Variants in LMX1A observed in about 807,000 individuals in gnomAD.
LMX1A encodes LIM homeobox transcription factor 1 alpha, also known as LIM homeobox transcription factor 1-alpha.
A neutral mutation model predicts 49.1 loss-of-function variants in LMX1A; 15 were observed. That is an observed-to-expected ratio of 0.31 (90% CI 0.20 to 0.47). The LOEUF (loss-of-function observed/expected upper bound fraction) is 0.47. LMX1A is among the 20% of genes least tolerant of loss of function. The pLI is 1.00. For missense variants in LMX1A, 372 were observed against 475.8 expected (o/e 0.78, Z 2.03); for synonymous variants, 167 against 185.7 (o/e 0.90, Z 0.82).
At chr1:165,275,826 A>C (rs1206713556) in intron 3 of LMX1A, among the ~76,000 whole-genome samples, 1 of 145,222 alleles carries the variant, frequency 6.9e-6, no homozygotes, top group Non-Finnish European at 1.5e-5. Context: ...TAGAGCTTTT[A>C]TGGCGCTGGG....
intron 3 of LMX1A, among the ~76,000 whole-genome samples, chr1:165,345,607 G>T (rs917755621): frequency 6.6e-6 from 1 of 152,092 alleles, no homozygotes; most frequent in African/African-American, 2.4e-5. Flanking sequence ...GTTTTTAGAG[G>T]CCCGTAAATG....
chr1:165,294,909 AGCCGAGATCAC>A, intron 3 of LMX1A, among the ~76,000 whole-genome samples: 1 of 152,308 alleles, frequency 6.6e-6, no homozygotes. Flanking sequence ...GGTTGCAATG[AGCCGAGATCAC>A]GCCAGTGCAC....
intron 4 of LMX1A, among the ~76,000 whole-genome samples, chr1:165,223,442 G>A (rs996806426): frequency 6.6e-6 from 1 of 152,104 alleles, no homozygotes; most frequent in African/African-American, 2.4e-5. Flanking sequence ...AGAATAAGGA[G>A]GAATGGACAA....
At chr1:165,307,057 A>G (rs1426417994) in intron 3 of LMX1A, among the ~76,000 whole-genome samples, 1 of 152,232 alleles carries the variant, frequency 6.6e-6, no homozygotes, top group Non-Finnish European at 1.5e-5. Flanking sequence ...GCTTCATGCA[A>G]GGGAATCAGG....
At position 165,328,407 on chromosome 1, in the gene LMX1A, A is replaced by T. The variant is rs569099718; in HGVS notation, c.263+24669T>A. 4.6e-5 allele frequency among the ~76,000 whole-genome samples: 7 copies of T among 152,358 alleles called. No homozygotes were observed. In the South Asian group the frequency reaches 1.4e-3, roughly 32 times the overall value. On this transcript the variant is annotated intron_variant, in intron 3 of 8. Coordinates refer to ENST00000342310, the MANE Select transcript of LMX1A (RefSeq NM_177398.4). Reference sequence around the variant, plus strand: ...AGAGGATACAAGTGAGCCCGATACAAGCCCTGCAGTCTGGAAGCAGGCTTT... The same window carrying T: ...AGAGGATACAAGTGAGCCCGATACATGCCCTGCAGTCTGGAAGCAGGCTTT...
chr1:165,210,023 C>T (rs933638744), intron 6 of LMX1A, among the ~76,000 whole-genome samples: 1 of 152,206 alleles, frequency 6.6e-6, no homozygotes, highest in African/African-American at 2.4e-5. Context: ...AGAATATCTC[C>T]ACATATTTTG....
Position 165,316,450 on chromosome 1 carries a change from C to A in LMX1A, c.263+36626G>T, listed in dbSNP as rs569663822. Among the ~76,000 whole-genome samples, 201 of 152,134 alleles carry A rather than the reference C, an allele frequency of 1.3e-3. 2 individuals carry two copies. The highest frequency in any genetic ancestry group is 4.4e-3 in the African/African-American group (181 of 41,502). ...ACTGGAGGTCCTGGGGGCACTGATA[C>A]CACCTGCTCCTTGGTCCCTACACTA... On this transcript the variant is annotated intron_variant, in intron 3 of 8. Coordinates refer to ENST00000342310, the MANE Select transcript of LMX1A (RefSeq NM_177398.4).
At chr1:165,236,049 C>G (rs2102625392) in intron 4 of LMX1A, among the ~76,000 whole-genome samples, 1 of 152,328 alleles carries the variant, frequency 6.6e-6, no homozygotes, top group Middle Eastern at 3.4e-3. Flanking sequence ...CTGGACTAGA[C>G]TGGCACCGAC....
intron 3 of LMX1A, among the ~76,000 whole-genome samples, chr1:165,271,957 T>C (rs1387121409): frequency 2.6e-5 from 4 of 152,262 alleles, no homozygotes; most frequent in African/African-American, 7.2e-5. Context: ...ACTTGGCTCA[T>C]GGCTACCATG....
At chr1:165,234,304 C>T (rs1652348579) in intron 4 of LMX1A, among the ~76,000 whole-genome samples, 1 of 152,168 alleles carries the variant, frequency 6.6e-6, no homozygotes, top group African/African-American at 2.4e-5. Context: ...GTTACCTACT[C>T]TGCCAAGTCC....
At chr1:165,329,074 C>T (rs1234702409) in intron 3 of LMX1A, among the ~76,000 whole-genome samples, 1 of 152,200 alleles carries the variant, frequency 6.6e-6, no homozygotes, top group Non-Finnish European at 1.5e-5. Flanking sequence ...AATTGACTCA[C>T]AGTTCTGCAT....
chr1:165,264,408 A>T (rs1204790904), intron 3 of LMX1A, among the ~76,000 whole-genome samples: 1 of 149,838 alleles, frequency 6.7e-6, no homozygotes, highest in Non-Finnish European at 1.5e-5. Flanking sequence ...TGCATAAAGC[A>T]TGCATATGCT....
chr1:165,311,802 A>C (rs1001149524), intron 3 of LMX1A, among the ~76,000 whole-genome samples: 1 of 152,124 alleles, frequency 6.6e-6, no homozygotes, highest in African/African-American at 2.4e-5. Context: ...GATGGGGCAA[A>C]TTTTTGCTAT....
chr1:165,328,926 T>C (rs1051374409), intron 3 of LMX1A, among the ~76,000 whole-genome samples: 9 of 152,220 alleles, frequency 5.9e-5, no homozygotes, highest in Non-Finnish European at 1.3e-4. Context: ...GTGGTATCAA[T>C]GTGCATCAGG....
chr1:165,289,486 C>T (rs201678663), intron 3 of LMX1A, among the ~76,000 whole-genome samples: 70 of 152,330 alleles, frequency 4.6e-4, no homozygotes, highest in East Asian at 2.7e-3. Flanking sequence ...TCCCTGGCTT[C>T]AAATCTTACC....
chr1:165,292,048 C>T (rs1306036452), intron 3 of LMX1A, among the ~76,000 whole-genome samples: 3 of 114,030 alleles, frequency 2.6e-5, no homozygotes, highest in East Asian at 2.4e-4. Flanking sequence ...GGCGACAGAG[C>T]GAAACTCCGT....
At chr1:165,261,129 TC>T (rs1473371374) in intron 3 of LMX1A, among the ~76,000 whole-genome samples, 3 of 152,234 alleles carry the variant, frequency 2.0e-5, no homozygotes, top group African/African-American at 7.2e-5. Flanking sequence ...AGCCTCTTTA[TC>T]ACAGAACTAT....
intron 3 of LMX1A, among the ~76,000 whole-genome samples, chr1:165,266,467 GCTAGATAGGT>G (rs1456022279): frequency 6.6e-6 from 1 of 152,122 alleles, no homozygotes; most frequent in Non-Finnish European, 1.5e-5. Flanking sequence ...CAAGGGAAAG[GCTAGATAGGT>G]CAGAGAGGCC....
intron 4 of LMX1A, among the ~76,000 whole-genome samples, chr1:165,241,600 C>T (rs974026993): frequency 1.3e-5 from 2 of 150,772 alleles, no homozygotes; most frequent in Admixed American, 6.6e-5. Flanking sequence ...CACTACAATA[C>T]GGAGGATGAG....
Sources: gnomAD v4.1 joint callset for allele counts (sites outside exome capture counted in the v4.1 genomes callset) on GRCh38, gnomAD v4.1.1 for gene constraint, MANE v1.5 for transcripts, NCBI Gene and HGNC (gene_info 2026-07-23, HGNC 2026-07-21) for gene names.